The following SUFU variants were observed in gnomAD, a reference collection of about 807,000 sequenced individuals.
SUFU encodes SUFU negative regulator of hedgehog signaling.
SUFU carries 7 observed loss-of-function variants against 58.9 expected under a neutral mutation model. That is an observed-to-expected ratio of 0.12 (90% CI 0.07 to 0.22). The LOEUF (loss-of-function observed/expected upper bound fraction) is 0.22, where lower values mean the gene tolerates loss of function less well. SUFU is among the 10% of genes least tolerant of loss of function. The probability of loss-of-function intolerance (pLI) is 1.00; values close to 1 mark genes in which losing one functional copy is unlikely to be tolerated. For synonymous variants in SUFU, 232 were observed against 254.8 expected, an observed-to-expected ratio of 0.91 and a Z score of 0.85; for missense variants, 451 against 641.3, an observed-to-expected ratio of 0.70 and a Z score of 3.20.
intron 8 of SUFU, among the ~76,000 whole-genome samples, chr10:102,613,922 G>A (rs906062972): frequency 1.3e-5 from 2 of 152,210 alleles, no homozygotes. Context: ...GAGGAATCTG[G>A]TACAGGCTCC....
Position 102,625,839 on chromosome 10 carries a change from G to A in SUFU, c.1297-1336G>A, listed in dbSNP as rs186136488. ...CCTCCGTCCTGTGAGCTCCCGAGCC[G>A]TCCTGTGTGCTCACCTTCCTGTGTG... On this transcript the variant is annotated intron_variant, in intron 10 of 11. Transcript: ENST00000369902. The surrounding 1 kb of genome is among the most constrained non-coding windows in gnomAD (Gnocchi z 4.7). Among the ~76,000 whole-genome samples, 4 of 152,254 alleles carry A rather than the reference G, an allele frequency of 2.6e-5. No individual in the cohort carries two copies. The highest frequency in any genetic ancestry group is 3.9e-4 in the East Asian group (2 of 5,186).
At chr10:102,518,107 A>AATT (rs1408867302) in intron 2 of SUFU, among the ~76,000 whole-genome samples, 1 of 152,174 alleles carries the variant, frequency 6.6e-6, no homozygotes, top group Non-Finnish European at 1.5e-5. Context: ...TTAAACATAT[A>AATT]ATTATTATTA....
chr10:102,536,449 C>T (rs1418756290), intron 2 of SUFU, among the ~76,000 whole-genome samples: 5 of 148,220 alleles, frequency 3.4e-5, no homozygotes, highest in African/African-American at 5.0e-5. Flanking sequence ...CTGCAACCTC[C>T]GCCTCCCGGG....
rs151128254 is a variant in SUFU at position 102,549,838 on chromosome 10, C to G, written c.318-132C>G. On this transcript the variant is annotated intron_variant, in intron 2 of 11. Coordinates refer to ENST00000369902, the MANE Select transcript of SUFU (RefSeq NM_016169.4). Reference sequence around the variant, plus strand: ...GGTTCCCTCCCCACAAGGCTCACATCCTGGGATACTCCTCTGAATGGAGGA... The same window carrying G: ...GGTTCCCTCCCCACAAGGCTCACATGCTGGGATACTCCTCTGAATGGAGGA... 11 of 1,199,054 alleles carry G rather than the reference C, an allele frequency of 9.2e-6. No homozygotes were observed. In the African/African-American group the frequency reaches 1.5e-4, roughly 16 times the overall value. 74.3% of individuals were successfully genotyped at this position (1,199,054 alleles called of 1,614,324 possible).
intron 3 of SUFU, among the ~76,000 whole-genome samples, chr10:102,562,707 A>G (rs2063050872): frequency 6.6e-6 from 1 of 152,188 alleles, no homozygotes; most frequent in East Asian, 1.9e-4. Flanking sequence ...GCTGGACAAC[A>G]TGGTGAAACC....
chr10:102,509,241 C>T lies in SUFU; in HGVS notation c.255C>T (p.Pro85=), dbSNP rs113671745. 5.2e-5 allele frequency: 84 copies of T among 1,614,180 alleles called. No individual in the cohort carries two copies. Among genetic ancestry groups the T allele is most frequent in the Middle Eastern group, 4.9e-4 (3 of 6,062 alleles). Residue 85 remains proline, a synonymous_variant, in exon 2 of 12, where the codon CCC becomes CCT. Transcript: ENST00000369902. ...TGGGGAGCCCTTCTGCTAACATCCCCGAGCACTGGCACTACATCAGCTTCG... is the reference window on the plus strand; with the variant it reads ...TGGGGAGCCCTTCTGCTAACATCCCTGAGCACTGGCACTACATCAGCTTCG... ...RNVGSPSANI[P]EHWHYISFGL... is the part of the protein sequence containing the mutation.
intron 2 of SUFU, among the ~76,000 whole-genome samples, chr10:102,530,447 CTTTTT>C (rs34892390): frequency 4.6e-4 from 52 of 113,442 alleles, no homozygotes; most frequent in Non-Finnish European, 5.0e-4. Flanking sequence ...TATTTTAAAT[CTTTTT>C]TTTTTTTTTT....
At chr10:102,583,915 A>G (rs563901401) in intron 3 of SUFU, among the ~76,000 whole-genome samples, 2 of 152,148 alleles carry the variant, frequency 1.3e-5, no homozygotes, top group Non-Finnish European at 2.9e-5. Flanking sequence ...ATGTTTCTAC[A>G]GACTAGACAT....
At chr10:102,530,827 T>C (rs1234612905) in intron 2 of SUFU, among the ~76,000 whole-genome samples, 2 of 152,074 alleles carry the variant, frequency 1.3e-5, no homozygotes, top group African/African-American at 4.8e-5. Context: ...AAAAATATTT[T>C]CCAAGGCATA....
intron 8 of SUFU, among the ~76,000 whole-genome samples, chr10:102,599,932 GGCTGATAGCT>G (rs1327444185): frequency 1.5e-4 from 23 of 152,252 alleles, no homozygotes; most frequent in African/African-American, 3.4e-4. Context: ...CCTGGTCTCC[GGCTGATAGCT>G]GCAACCCTGG....
At chr10:102,630,001 T>C (rs1252745456) in intron 11 of SUFU, 65 bp from the exon 12 acceptor site, 127 of 1,488,940 alleles carry the variant, frequency 8.5e-5, no homozygotes, top group Middle Eastern at 3.4e-4. Context: ...GGGCAATCTC[T>C]GGAAAGACCA....
chr10:102,549,226 T>C (rs2062885069), intron 2 of SUFU, among the ~76,000 whole-genome samples: 1 of 152,054 alleles, frequency 6.6e-6, no homozygotes, highest in Non-Finnish European at 1.5e-5. Context: ...ATACCTGAGA[T>C]TGGGTAATTT....
At chr10:102,574,156 G>A (rs2063190228) in intron 3 of SUFU, among the ~76,000 whole-genome samples, 1 of 152,110 alleles carries the variant, frequency 6.6e-6, no homozygotes, top group African/African-American at 2.4e-5. Flanking sequence ...GGGGATTGGG[G>A]ACCATGGGGG....
intron 8 of SUFU, among the ~76,000 whole-genome samples, chr10:102,600,034 G>A (rs1316285817): frequency 6.6e-6 from 1 of 152,160 alleles, no homozygotes; most frequent in Non-Finnish European, 1.5e-5. Flanking sequence ...GGGGCCCAGG[G>A]AAGGGAAAGG....
At chr10:102,534,702 G>A (rs2062715285) in intron 2 of SUFU, among the ~76,000 whole-genome samples, 1 of 152,236 alleles carries the variant, frequency 6.6e-6, no homozygotes, top group African/African-American at 2.4e-5. Context: ...AGGAAAGGCA[G>A]CTGGCATTCC....
At chr10:102,555,371 G>C (rs2062964981) in intron 3 of SUFU, among the ~76,000 whole-genome samples, 1 of 142,008 alleles carries the variant, frequency 7.0e-6, no homozygotes, top group Non-Finnish European at 1.5e-5. Context: ...CAGCAAAACT[G>C]TATTAGGAAA....
At chr10:102,525,404 C>G (rs1372041437) in intron 2 of SUFU, among the ~76,000 whole-genome samples, 1 of 152,160 alleles carries the variant, frequency 6.6e-6, no homozygotes, top group African/African-American at 2.4e-5. Flanking sequence ...GCCACCGTAT[C>G]TGGCCTGAAC....
At position 102,565,384 on chromosome 10, in the gene SUFU, A is replaced by G. The variant is rs77793831; in HGVS notation, c.454+15278A>G. On this transcript the variant is annotated intron_variant, in intron 3 of 11. Coordinates refer to ENST00000369902, the MANE Select transcript of SUFU (RefSeq NM_016169.4). ...GGTCCTGTGCTCTGTGGCCTGTGGT[A>G]GAGGAATCAATTACAGTACCTAGAG... Among the ~76,000 whole-genome samples, 1,370 of 152,224 alleles carry G rather than the reference A, an allele frequency of 9.0e-3. 19 individuals carry two copies. Among genetic ancestry groups the G allele is most frequent in the African/African-American group, 0.031 (1,294 of 41,536 alleles).
intron 3 of SUFU, chr10:102,573,265 T>C: frequency 3.1e-6 from 2 of 649,098 alleles, no homozygotes; most frequent in Admixed American, 4.6e-5. Context: ...CACAAAATCA[T>C]CTACTTTGGC....
Sources: gnomAD v4.1 joint callset for allele counts (sites outside exome capture counted in the v4.1 genomes callset) on GRCh38, gnomAD v4.1.1 for gene constraint, Gnocchi (gnomAD v3.1) non-coding constraint, MANE v1.5 for transcripts, NCBI Gene and HGNC (gene_info 2026-07-23, HGNC 2026-07-21) for gene names.